CENPU: variants seen among roughly 807,000 people sequenced by gnomAD.
CENPU encodes the protein centromere protein U.
CENPU carries 46 observed loss-of-function variants against 56.7 expected under a neutral mutation model. The ratio of observed to expected loss-of-function variants is 0.81; its 90% CI spans 0.64 to 1.04. The LOEUF is 1.04. Ranked by LOEUF, CENPU falls within the 50% of genes least tolerant of loss-of-function variation. The pLI, the probability that CENPU is intolerant of heterozygous loss-of-function variation, is 0.00. For synonymous variants in CENPU, 166 were observed against 163.0 expected (o/e 1.02, Z -0.14); for missense variants, 510 against 490.1 (o/e 1.04, Z -0.38).
Position 184,698,993 on chromosome 4 carries a change from T to A in CENPU, c.987-1190A>T, listed in dbSNP as rs563887045. 4.6e-5 allele frequency among the ~76,000 whole-genome samples: 7 copies of A among 152,276 alleles called. No individual in the cohort carries two copies. The East Asian group carries it at 1.3e-3, about 29-fold the overall frequency. ...CCTTTTCAAAATACACTTCTCAATTTCTAAATTTATATCTAGAAAAGAAAC... is the reference window on the plus strand; with the variant it reads ...CCTTTTCAAAATACACTTCTCAATTACTAAATTTATATCTAGAAAAGAAAC... On this transcript the variant is annotated intron_variant, in intron 11 of 12. Transcript: ENST00000281453.
chr4:184,711,428 A>G (rs1230758854), intron 7 of CENPU, among the ~76,000 whole-genome samples: 1 of 152,126 alleles, frequency 6.6e-6, no homozygotes, highest in Non-Finnish European at 1.5e-5. Flanking sequence ...TGGTAAGAAG[A>G]CTAAAAATCC....
At chr4:184,721,457 T>TAAAAAAAAAA (rs138476894) in intron 4 of CENPU, among the ~76,000 whole-genome samples, 6 of 74,550 alleles carry the variant, frequency 8.0e-5, no homozygotes, top group African/African-American at 3.4e-4. Context: ...TGGCTGATTG[T>TAAAAAAAAAA]AAAAAAAAAA....
At chr4:184,730,652 A>G (rs1235953394) in intron 2 of CENPU, among the ~76,000 whole-genome samples, 5 of 152,078 alleles carry the variant, frequency 3.3e-5, no homozygotes, top group Non-Finnish European at 7.3e-5. Flanking sequence ...AAGTGAAAAA[A>G]GCTTACAGCA....
At chr4:184,700,711 T>A in intron 11 of CENPU, 109 bp downstream of exon 11, 1 of 975,000 alleles carries the variant, frequency 1.0e-6, no homozygotes, top group South Asian at 1.3e-5. Flanking sequence ...AGCTTGAAGA[T>A]AACCTGGGGC....
At chr4:184,700,977 C>A in intron 10 of CENPU, 96 bp from the exon 11 acceptor site, 1 of 944,502 alleles carries the variant, frequency 1.1e-6, no homozygotes. Flanking sequence ...GAAAACAAGA[C>A]AGACCCAGTT....
Position 184,695,201 on chromosome 4 carries a change from A to C in CENPU, c.*87T>G. 3 of 916,288 alleles carry C rather than the reference A, an allele frequency of 3.3e-6. No homozygotes were observed. Among genetic ancestry groups the C allele is most frequent in the Non-Finnish European group, 5.2e-6 (3 of 571,994 alleles). 56.8% of individuals were successfully genotyped at this position (916,288 alleles called of 1,614,324 possible). Reference sequence around the variant, plus strand: ...CTAAGTAGGCCATAACTTCTTTGCAAAACAATTGATTTATAAAGGTACAGT... The same window carrying C: ...CTAAGTAGGCCATAACTTCTTTGCACAACAATTGATTTATAAAGGTACAGT... On this transcript the variant is annotated 3_prime_UTR_variant, in exon 13 of 13. Coordinates refer to ENST00000281453, the MANE Select transcript of CENPU (RefSeq NM_024629.4).
intron 4 of CENPU, among the ~76,000 whole-genome samples, chr4:184,718,353 CA>C (rs1308092041): frequency 6.6e-6 from 1 of 152,248 alleles, no homozygotes; most frequent in Non-Finnish European, 1.5e-5. Flanking sequence ...CTGCTTCTTC[CA>C]ACTTTACCCT....
chr4:184,700,764 C>T (rs1760507653), intron 11 of CENPU, 56 bp downstream of exon 11: 3 of 1,435,224 alleles, frequency 2.1e-6, no homozygotes, highest in Middle Eastern at 1.7e-4. Flanking sequence ...CTAAATGACA[C>T]ACCATCATTA....
At chr4:184,719,920 G>A (rs1269738832) in intron 4 of CENPU, among the ~76,000 whole-genome samples, 1 of 152,082 alleles carries the variant, frequency 6.6e-6, no homozygotes, top group Admixed American at 6.5e-5. Context: ...ATCCAAACAA[G>A]CCCAGACTCC....
At position 184,725,025 on chromosome 4, in the gene CENPU, T is replaced by A; in HGVS notation, c.252A>T (p.Glu84Asp). The A allele has an allele frequency of 6.2e-7, 1 of 1,612,820 alleles. No homozygotes were observed. Among genetic ancestry groups the A allele is most frequent in the South Asian group, 1.1e-5 (1 of 90,850 alleles). Residue 84 changes from glutamate to aspartate, a missense_variant, in exon 4 of 13, where the codon GAA becomes GAT. Coordinates refer to ENST00000281453, the MANE Select transcript of CENPU (RefSeq NM_024629.4). ...GTCCACAATGTTTGGAGAATTCTTC[T>A]TCATCAGCATATATAGCTGTGCTAT... ...PLHSTAIYADEEEFSKHCGLS... is the reference protein window; with the variant it reads ...PLHSTAIYADDEEFSKHCGLS...
At position 184,730,963 on chromosome 4, in the gene CENPU, C is replaced by G. The variant is rs755500059; in HGVS notation, c.53G>C (p.Arg18Thr). 6.3e-7 allele frequency: 1 copy of G among 1,577,236 alleles called. No homozygotes were observed. Among genetic ancestry groups the G allele is most frequent in the Admixed American group, 2.0e-5 (1 of 49,688 alleles). Reference sequence around the variant, plus strand: ...TCTTTCTAAAGTGTTCTTTGAACGTCTTGCGCTATTAAACAGCAAAAAAAC... The same window carrying G: ...TCTTTCTAAAGTGTTCTTTGAACGTGTTGCGCTATTAAACAGCAAAAAAAC... ...RPRPHRSEGA[R>T]RSKNTLERTH... Residue 18 changes from arginine to threonine, a missense_variant, in exon 2 of 13, where the codon AGA becomes ACA. Arg to Thr is a moderately conservative substitution (Grantham distance 71, BLOSUM62 -1). Transcript: ENST00000281453.
chr4:184,730,761 T>C (rs1450630618), intron 2 of CENPU, among the ~76,000 whole-genome samples, 159 bp downstream of exon 2: 1 of 152,204 alleles, frequency 6.6e-6, no homozygotes, highest in Non-Finnish European at 1.5e-5. Flanking sequence ...AAAGTCATTT[T>C]ATCCACTATA....
At chr4:184,729,498 A>G (rs1417950075) in intron 2 of CENPU, among the ~76,000 whole-genome samples, 1 of 152,246 alleles carries the variant, frequency 6.6e-6, no homozygotes, top group Non-Finnish European at 1.5e-5. Flanking sequence ...ACTTTTGAAC[A>G]CTGCAATTTG....
At chr4:184,702,016 G>A in intron 10 of CENPU, 73 bp downstream of exon 10, 1 of 962,840 alleles carries the variant, frequency 1.0e-6, no homozygotes, top group Non-Finnish European at 1.6e-6. Context: ...TGTAAACCCA[G>A]AGTCAAGTCT....
At chr4:184,732,087 TGC>T (rs2150234459) in intron 1 of CENPU, among the ~76,000 whole-genome samples, 1 of 152,316 alleles carries the variant, frequency 6.6e-6, no homozygotes, top group South Asian at 2.1e-4. Flanking sequence ...CTTTTAAGAT[TGC>T]CAGGCCAGCA....
chr4:184,694,279 T>G lies in CENPU; in HGVS notation c.*1009A>C, dbSNP rs981045334. On this transcript the variant is annotated 3_prime_UTR_variant, in exon 13 of 13. Coordinates refer to ENST00000281453, the MANE Select transcript of CENPU (RefSeq NM_024629.4). ...CCGTCGGGGAGTATTGAAAAGTATG[T>G]GCACAGAACTGTAGGTAATTTCAAA... 12 of 1,252,332 alleles carry G rather than the reference T, an allele frequency of 9.6e-6. No individual in the cohort carries two copies. The African/African-American group carries it at 1.7e-4, about 17-fold the overall frequency. 77.6% of individuals were successfully genotyped at this position (1,252,332 alleles called of 1,614,324 possible).
intron 8 of CENPU, among the ~76,000 whole-genome samples, chr4:184,709,032 T>C (rs1760828434): frequency 6.6e-6 from 1 of 152,098 alleles, no homozygotes. Context: ...GTTAAAGAAG[T>C]AACAATATAT....
Position 184,696,245 on chromosome 4 carries a change from G to A in CENPU, c.1144-844C>T, listed in dbSNP as rs555441856. ...CTCCCATGGGCACCTGCTCTAGGGA[G>A]GAATAAAGGGGAAGAAGTCACATTT... On this transcript the variant is annotated intron_variant, in intron 12 of 12. Coordinates refer to ENST00000281453, the MANE Select transcript of CENPU (RefSeq NM_024629.4). Among the ~76,000 whole-genome samples the A allele has an allele frequency of 4.4e-4, 67 of 152,176 alleles. 1 individual carries two copies. Among genetic ancestry groups the A allele is most frequent in the Non-Finnish European group, 7.6e-4 (52 of 68,022 alleles).
chr4:184,695,951 G>A (rs1031320424), intron 12 of CENPU, among the ~76,000 whole-genome samples: 2 of 152,152 alleles, frequency 1.3e-5, no homozygotes, highest in African/African-American at 4.8e-5. Context: ...TGTTCTTAAT[G>A]ATTCATGTTA....
Sources: allele counts gnomAD v4.1 joint callset (sites outside exome capture counted in the v4.1 genomes callset), GRCh38; gene constraint gnomAD v4.1.1; transcripts MANE v1.5; gene names NCBI Gene and HGNC (gene_info 2026-07-23, HGNC 2026-07-21).